Variants in UBASH3B observed in about 807,000 individuals in gnomAD.
The protein encoded by UBASH3B is ubiquitin associated and SH3 domain containing B, also known as ubiquitin-associated and SH3 domain-containing protein B.
A neutral mutation model predicts 83.4 loss-of-function variants in UBASH3B; 37 were observed. The observed-to-expected ratio is 0.44, with a 90% CI of 0.34 to 0.58. UBASH3B has a LOEUF of 0.58. Among genes scored for constraint, UBASH3B ranks in the 20% least tolerant of loss-of-function variants. The pLI, the probability that UBASH3B is intolerant of heterozygous loss-of-function variation, is 0.01. For synonymous variants in UBASH3B, 304 were observed against 318.3 expected (o/e 0.96, Z 0.48); for missense variants, 657 against 827.2 (o/e 0.79, Z 2.52).
At chr11:122,805,566 TAAC>T (rs1273909249) in intron 11 of UBASH3B, among the ~76,000 whole-genome samples, 2 of 151,600 alleles carry the variant, frequency 1.3e-5, no homozygotes, top group African/African-American at 2.4e-5. Flanking sequence ...AAAAAACAAA[TAAC>T]AAAAAATAAA....
chr11:122,763,112 T>C (rs1860473641), intron 1 of UBASH3B, among the ~76,000 whole-genome samples: 1 of 152,206 alleles, frequency 6.6e-6, no homozygotes, highest in Admixed American at 6.5e-5. Context: ...TTCCCAAGAA[T>C]GTGGTCCCTC....
intron 1 of UBASH3B, among the ~76,000 whole-genome samples, chr11:122,702,784 C>CAA (rs1214863417): frequency 6.6e-6 from 1 of 152,094 alleles, no homozygotes; most frequent in East Asian, 1.9e-4. Flanking sequence ...CTCGGCCTCC[C>CAA]AAAGTGCTGG....
At position 122,814,135 on chromosome 11, in the gene UBASH3B, A is replaced by T. The variant is rs1446573819; in HGVS notation, c.*4249A>T. The T allele has an allele frequency of 2.0e-5, 3 of 152,670 alleles. No homozygotes were observed. The highest frequency in any genetic ancestry group is 4.4e-5 in the Non-Finnish European group (3 of 68,046). 9.5% of individuals were successfully genotyped at this position (152,670 alleles called of 1,614,324 possible). On this transcript the variant is annotated 3_prime_UTR_variant, in exon 14 of 14. Coordinates refer to ENST00000284273, the MANE Select transcript of UBASH3B (RefSeq NM_032873.5). ...TTTCTTTGATTGCCACTCAAGATGG[A>T]AACACCATGCCAAGGCATTTTGGTT... is the stretch of plus-strand genomic sequence containing the variant.
intron 1 of UBASH3B, among the ~76,000 whole-genome samples, chr11:122,736,636 C>T (rs899939424): frequency 3.3e-5 from 5 of 152,062 alleles, no homozygotes; most frequent in African/African-American, 9.7e-5. Context: ...CTGAGATCAA[C>T]AGGCTAACAC....
Position 122,811,191 on chromosome 11 carries a change from A to C in UBASH3B, c.*1305A>C, listed in dbSNP as rs1565278165. On this transcript the variant is annotated 3_prime_UTR_variant, in exon 14 of 14. Coordinates refer to ENST00000284273, the MANE Select transcript of UBASH3B (RefSeq NM_032873.5). ...ATCATCAGTTATCAATGTCTGTTTAATTGTGTGACTATCTGACTGTTGATG... is the reference window on the plus strand; with the variant it reads ...ATCATCAGTTATCAATGTCTGTTTACTTGTGTGACTATCTGACTGTTGATG... 6.6e-6 allele frequency: 1 copy of C among 152,624 alleles called. No individual in the cohort carries two copies. Among genetic ancestry groups the C allele is most frequent in the South Asian group, 2.1e-4 (1 of 4,832 alleles). The allele number at this position is 152,624 out of a possible 1,614,324, so 9.5% of individuals were successfully genotyped here.
intron 1 of UBASH3B, among the ~76,000 whole-genome samples, chr11:122,718,199 A>T (rs539530208): frequency 1.3e-5 from 2 of 152,356 alleles, no homozygotes; most frequent in African/African-American, 4.8e-5. Flanking sequence ...CGCTGGGATT[A>T]TAGGTGTGAG....
intron 5 of UBASH3B, 92 bp downstream of exon 5, chr11:122,783,314 G>A: frequency 7.0e-7 from 1 of 1,435,990 alleles, no homozygotes; most frequent in African/African-American, 1.4e-5. Flanking sequence ...GTACCTACAG[G>A]GGAAAAATGG....
rs1414068824 is a variant in UBASH3B, at chr11:122,660,280, G to A, written c.161+4070G>A. Among the ~76,000 whole-genome samples the A allele has an allele frequency of 3.3e-5, 5 of 152,168 alleles. No homozygotes were observed. The East Asian group carries it at 5.8e-4, about 18-fold the overall frequency. On this transcript the variant is annotated intron_variant, in intron 1 of 13. Transcript: ENST00000284273. The stretch of plus-strand genomic sequence containing the variant: ...TGGCGATTTCACGGTGTGTGTGTGC[G>A]TGTGCGCTCGTGTGCAAGTCCAAGT...
chr11:122,734,177 C>T (rs952388233), intron 1 of UBASH3B, among the ~76,000 whole-genome samples: 2 of 152,168 alleles, frequency 1.3e-5, no homozygotes, highest in East Asian at 3.9e-4. Flanking sequence ...TGAGCCACCA[C>T]GCCCAGCCAA....
chr11:122,700,009 T>G (rs1864021906), intron 1 of UBASH3B, among the ~76,000 whole-genome samples: 1 of 152,176 alleles, frequency 6.6e-6, no homozygotes. Flanking sequence ...CTAGAGGTCG[T>G]GTTGTTGGTG....
At chr11:122,699,531 C>CTCTTTCTTTCTTTAT (rs1555137132) in intron 1 of UBASH3B, among the ~76,000 whole-genome samples, 7 of 107,936 alleles carry the variant, frequency 6.5e-5, no homozygotes, top group African/African-American at 2.5e-4. Flanking sequence ...TTCTTTCTTT[C>CTCTTTCTTTCTTTAT]TCTTTCTTTC....
intron 1 of UBASH3B, among the ~76,000 whole-genome samples, chr11:122,755,282 A>G (rs1861265218): frequency 6.6e-6 from 1 of 151,972 alleles, no homozygotes; most frequent in East Asian, 1.9e-4. Flanking sequence ...CTCCACTCCC[A>G]TCTCTCAGAG....
At chr11:122,745,744 C>CT (rs910536336) in intron 1 of UBASH3B, among the ~76,000 whole-genome samples, 1 of 152,226 alleles carries the variant, frequency 6.6e-6, no homozygotes, top group African/African-American at 2.4e-5. Context: ...TCTTGGGTCC[C>CT]TTCCCCCATT....
chr11:122,771,453 CT>C (rs1240856462), intron 1 of UBASH3B, among the ~76,000 whole-genome samples: 1 of 152,140 alleles, frequency 6.6e-6, no homozygotes. Context: ...GTTGGTCAGG[CT>C]GGTCTCGAAC....
At chr11:122,776,644 C>T (rs1860739973) in intron 2 of UBASH3B, among the ~76,000 whole-genome samples, 1 of 152,162 alleles carries the variant, frequency 6.6e-6, no homozygotes, top group South Asian at 2.1e-4. Flanking sequence ...GGTTACCTCT[C>T]TGGGAGCTTC....
chr11:122,685,842 C>T (rs78854133), intron 1 of UBASH3B, among the ~76,000 whole-genome samples: 4,684 of 152,260 alleles, frequency 0.031, 92 homozygotes, highest in Middle Eastern at 0.068. Flanking sequence ...TTTTATAGCT[C>T]GTTACATTTT....
intron 1 of UBASH3B, among the ~76,000 whole-genome samples, chr11:122,702,819 C>T (rs1864061021): frequency 6.6e-6 from 1 of 152,112 alleles, no homozygotes; most frequent in Non-Finnish European, 1.5e-5. Context: ...AGCCACCGTG[C>T]CTGGCCAGAT....
Position 122,656,113 on chromosome 11 carries a change from G to C in UBASH3B, c.64G>C (p.Val22Leu), listed in dbSNP as rs150696870. The change falls in exon 1 of 14, where the codon GTC (valine) becomes CTC (leucine). Residue 22 changes from valine to leucine, a missense_variant. Coordinates refer to ENST00000284273, the MANE Select transcript of UBASH3B (RefSeq NM_032873.5). ...TGCGAGAGAGGAGCTGTACAGCAAA[G>C]TCACCCCCCGGAGGAACCGCCAACA... Reference protein sequence around the residue: ...MAAREELYSKVTPRRNRQQRP... With the variant: ...MAAREELYSKLTPRRNRQQRP... 3.0e-3 allele frequency: 4,807 copies of C among 1,600,994 alleles called. 14 individuals are homozygous for C. Among genetic ancestry groups the C allele is most frequent in the Non-Finnish European group, 3.6e-3 (4,226 of 1,174,936 alleles).
chr11:122,804,496 C>T (rs114498906), intron 11 of UBASH3B, among the ~76,000 whole-genome samples: 1,756 of 152,140 alleles, frequency 0.012, 38 homozygotes, highest in African/African-American at 0.04. Flanking sequence ...GGCTCACAGG[C>T]CAGACTCCAG....
Sources: allele counts gnomAD v4.1 joint callset (sites outside exome capture counted in the v4.1 genomes callset), GRCh38; gene constraint gnomAD v4.1.1; transcripts MANE v1.5; gene names NCBI Gene and HGNC (gene_info 2026-07-23, HGNC 2026-07-21).